IFNA2: variants seen among roughly 807,000 people sequenced by gnomAD.
IFNA2 encodes interferon alpha-2.
For missense variants in IFNA2, 260 were observed against 210.3 expected (o/e 1.24, Z -1.46); for synonymous variants, 91 against 80.7 (o/e 1.13, Z -0.68).
rs138040042 is a variant in IFNA2, at chr9:21,384,852, G to C, written c.478C>G (p.Pro160Ala). The C allele has an allele frequency of 3.1e-6, 5 of 1,613,822 alleles. No individual in the cohort carries two copies. In the African/African-American group the frequency reaches 6.7e-5, roughly 22 times the overall value. ...GCTCTGACAACCTCCCAGGCACAAGGGCTGTATTTCTTCTCTTTCAGATAG... is the reference window on the plus strand; with the variant it reads ...GCTCTGACAACCTCCCAGGCACAAGCGCTGTATTTCTTCTCTTTCAGATAG... ...TLYLKEKKYSPCAWEVVRAEI... is the reference protein window; with the variant it reads ...TLYLKEKKYSACAWEVVRAEI... The change falls in exon 1 of 1, where the codon CCT (proline) becomes GCT (alanine). Residue 160 changes from proline (P) to alanine (A), a missense_variant. By Grantham distance (27) the Pro-to-Ala change is conservative (BLOSUM62 -1). Transcript: ENST00000380206.
rs763767149 is a variant in IFNA2 at position 21,384,775 on chromosome 9, T to C, written c.555A>G (p.Arg185=). Residue 185 remains arginine (R), a synonymous_variant, in exon 1 of 1, where the codon AGA becomes AGG. Coordinates refer to ENST00000380206, the MANE Select transcript of IFNA2 (RefSeq NM_000605.4). ...GTTGAACCAGTTTTCATTCCTTACT[T>C]CTTAAACTTTCTTGCAAGTTTGTTG... ...SLSTNLQESL[R]SKE 6.2e-7 allele frequency: 1 copy of C among 1,608,830 alleles called. No homozygotes were observed. Among genetic ancestry groups the C allele is most frequent in the Non-Finnish European group, 8.5e-7 (1 of 1,177,730 alleles).
At position 21,384,606 on chromosome 9, in the gene IFNA2, A is replaced by G. The variant is rs957664540; in HGVS notation, c.*157T>C. On this transcript the variant is annotated 3_prime_UTR_variant, in exon 1 of 1. Coordinates refer to ENST00000380206, the MANE Select transcript of IFNA2 (RefSeq NM_000605.4). ...CTCTGTAAGGGACTAGTGCCTTAAG[A>G]GCTGAATACAATGTTGATTAATACT... 4.1e-5 allele frequency: 27 copies of G among 664,206 alleles called. No homozygotes were observed. The South Asian group carries it at 5.5e-4, about 14-fold the overall frequency. The allele number at this position is 664,206 out of a possible 1,614,324, so 41.1% of individuals were successfully genotyped here.
Position 21,385,158 on chromosome 9 carries a change from C to T in IFNA2, c.172G>A (p.Asp58Asn). The change falls in exon 1 of 1, where the codon GAC becomes AAC. Residue 58 changes from aspartate (D) to asparagine (N), a missense_variant. Physicochemically the swap from Asp to Asn is conservative, Grantham distance 23 (BLOSUM62 1). Transcript: ENST00000380206. The stretch of plus-strand genomic sequence containing the variant: ...AACTCCTCCTGGGGAAATCCAAAGT[C>T]ATGTCTGTCCTTCAAGCAGGAGAAA... ...SLFSCLKDRHDFGFPQEEFGN... is the reference protein window; with the variant it reads ...SLFSCLKDRHNFGFPQEEFGN... 1 of 1,613,966 alleles carries T rather than the reference C, an allele frequency of 6.2e-7. No individual in the cohort carries two copies. The highest frequency in any genetic ancestry group is 8.5e-7 in the Non-Finnish European group (1 of 1,179,960).
chr9:21,384,596 G>A lies in IFNA2; in HGVS notation c.*167C>T. ...CAGCATGGTCCTCTGTAAGGGACTAGTGCCTTAAGAGCTGAATACAATGTT... is the reference window on the plus strand; with the variant it reads ...CAGCATGGTCCTCTGTAAGGGACTAATGCCTTAAGAGCTGAATACAATGTT... On this transcript the variant is annotated 3_prime_UTR_variant, in exon 1 of 1. Coordinates refer to ENST00000380206, the MANE Select transcript of IFNA2 (RefSeq NM_000605.4). The A allele has an allele frequency of 3.6e-6, 2 of 559,798 alleles. No individual in the cohort carries two copies. The highest frequency in any genetic ancestry group is 4.2e-5 in the East Asian group (1 of 23,584). 34.7% of individuals were successfully genotyped at this position (559,798 alleles called of 1,614,324 possible).
chr9:21,384,790 C>CTTCT, the IFNA2 span: 1 of 1,610,210 alleles, frequency 6.2e-7, no homozygotes, highest in African/African-American at 1.3e-5. Context: ...AACTTTCTTG[C>CTTCT]AAGTTTGTTG....
Position 21,384,807 on chromosome 9 carries a change from A to G in IFNA2, c.523T>C (p.Ser175Pro), listed in dbSNP as rs748669743. Residue 175 changes from serine (S) to proline (P), a missense_variant, in exon 1 of 1, where the codon TCT (serine) becomes CCT (proline). By Grantham distance (74) the Ser-to-Pro change is moderately conservative (BLOSUM62 -1). Transcript: ENST00000380206. ...VVRAEIMRSF[S>P]LSTNLQESLR... ...CTTTCTTGCAAGTTTGTTGACAAAG[A>G]AAAAGATCTCATGATTTCTGCTCTG... 2 of 1,612,686 alleles carry G rather than the reference A, an allele frequency of 1.2e-6. No individual in the cohort carries two copies. The highest frequency in any genetic ancestry group is 1.7e-6 in the Non-Finnish European group (2 of 1,179,570).
At position 21,385,318 on chromosome 9, in the gene IFNA2, G is replaced by T; in HGVS notation, c.12C>A (p.Thr4=). ...CCAGGAGGGCCACCAGTAAAGCAAA[G>T]GTCAAGGCCATTGTAGATGTTGCAG... MAL[T]FALLVALLVL... The change falls in exon 1 of 1, where the codon ACC becomes ACA. Residue 4 remains threonine, a synonymous_variant. Transcript: ENST00000380206. 1 of 1,611,054 alleles carries T rather than the reference G, an allele frequency of 6.2e-7. No individual in the cohort carries two copies.
rs569533915 is a variant in IFNA2, at chr9:21,385,369, T to G, written c.-40A>C. On this transcript the variant is annotated 5_prime_UTR_variant, in exon 1 of 1. Transcript: ENST00000380206. The stretch of plus-strand genomic sequence containing the variant: ...ATGCTGCTAGACTGGTTGAAATGGG[T>G]GAGCCTAAACCTTAGGCTCCAGGTT... The G allele has an allele frequency of 6.5e-7, 1 of 1,531,868 alleles. No individual in the cohort carries two copies. The highest frequency in any genetic ancestry group is 2.2e-5 in the East Asian group (1 of 44,514). 94.9% of individuals were successfully genotyped at this position (1,531,868 alleles called of 1,614,324 possible).
rs1472828195 is a variant in IFNA2 at position 21,384,424 on chromosome 9, A to C, written c.*339T>G. 8.5e-5 allele frequency: 13 copies of C among 152,644 alleles called. No homozygotes were observed. Among genetic ancestry groups the C allele is most frequent in the Non-Finnish European group, 1.9e-4 (13 of 68,356 alleles). 9.5% of individuals were successfully genotyped at this position (152,644 alleles called of 1,614,324 possible). On this transcript the variant is annotated 3_prime_UTR_variant, in exon 1 of 1. Transcript: ENST00000380206. ...GCAAAAGTTCAATGAACAACACAAA[A>C]TAAATTTACCAAATACAAAGAACAT...
At position 21,384,362 on chromosome 9, in the gene IFNA2, T is replaced by G. The variant is rs1820852268; in HGVS notation, c.*401A>C. ...AGGTTGCACAATTAGGCTTGGAATT[T>G]CATTTTAAAGAATAAACAAGTACAA... On this transcript the variant is annotated 3_prime_UTR_variant, in exon 1 of 1. Transcript: ENST00000380206. 6.6e-6 allele frequency: 1 copy of G among 152,510 alleles called. No individual in the cohort carries two copies. Among genetic ancestry groups the G allele is most frequent in the Admixed American group, 6.5e-5 (1 of 15,278 alleles). 9.4% of individuals were successfully genotyped at this position (152,510 alleles called of 1,614,324 possible).
Position 21,384,654 on chromosome 9 carries a change from T to G in IFNA2, c.*109A>C. The G allele has an allele frequency of 8.6e-7, 1 of 1,167,172 alleles. No individual in the cohort carries two copies. The highest frequency in any genetic ancestry group is 1.2e-6 in the Non-Finnish European group (1 of 835,976). The allele number at this position is 1,167,172 out of a possible 1,614,324, so 72.3% of individuals were successfully genotyped here. A position where few individuals can be genotyped will look rare whatever the true frequency, so the allele number is the denominator to read the frequency against. ...ACTCCTAAAAACATTTGAAAAGATT[T>G]AAATCGTGTCATGGTCATAGCAGAA... On this transcript the variant is annotated 3_prime_UTR_variant, in exon 1 of 1. Coordinates refer to ENST00000380206, the MANE Select transcript of IFNA2 (RefSeq NM_000605.4).
chr9:21,384,840 C>T lies in IFNA2; in HGVS notation c.490G>A (p.Glu164Lys), dbSNP rs764985116. ...KEKKYSPCAW[E>K]VVRAEIMRSF... ...CTCATGATTTCTGCTCTGACAACCTCCCAGGCACAAGGGCTGTATTTCTTC... is the reference window on the plus strand; with the variant it reads ...CTCATGATTTCTGCTCTGACAACCTTCCAGGCACAAGGGCTGTATTTCTTC... Residue 164 changes from glutamate (E) to lysine (K), a missense_variant, in exon 1 of 1, where the codon GAG becomes AAG. Transcript: ENST00000380206. The T allele has an allele frequency of 6.2e-7, 1 of 1,614,016 alleles. No homozygotes were observed. Among genetic ancestry groups the T allele is most frequent in the African/African-American group, 1.3e-5 (1 of 75,016 alleles).
Position 21,385,280 on chromosome 9 carries a change from T to C in IFNA2, c.50A>G (p.Lys17Arg). Residue 17 changes from lysine to arginine, a missense_variant, in exon 1 of 1, where the codon AAG becomes AGG. Transcript: ENST00000380206. ...LLVALLVLSC[K>R]SSCSVGCDLP... ...ATCACAGCCCACAGAGCAGCTTGAC[T>C]TGCAGCTGAGCACCAGGAGGGCCAC... is the stretch of plus-strand genomic sequence containing the variant. 1.2e-6 allele frequency: 2 copies of C among 1,613,726 alleles called. No homozygotes were observed. Among genetic ancestry groups the C allele is most frequent in the Non-Finnish European group, 1.7e-6 (2 of 1,179,836 alleles).
At position 21,384,665 on chromosome 9, in the gene IFNA2, A is replaced by G; in HGVS notation, c.*98T>C. 8.1e-7 allele frequency: 1 copy of G among 1,241,482 alleles called. No individual in the cohort carries two copies. Among genetic ancestry groups the G allele is most frequent in the Non-Finnish European group, 1.1e-6 (1 of 892,284 alleles). 76.9% of individuals were successfully genotyped at this position (1,241,482 alleles called of 1,614,324 possible). ...CATTTGAAAAGATTTAAATCGTGTC[A>G]TGGTCATAGCAGAAACATGAGTCTT... On this transcript the variant is annotated 3_prime_UTR_variant, in exon 1 of 1. Coordinates refer to ENST00000380206, the MANE Select transcript of IFNA2 (RefSeq NM_000605.4).
In IFNA2 at chr9:21,384,782, C is replaced by G. The variant is rs756757521; in HGVS notation, c.548G>C (p.Ser183Thr). Residue 183 changes from serine (S) to threonine (T), a missense_variant, in exon 1 of 1, where the codon AGT becomes ACT. Physicochemically the swap from Ser to Thr is moderately conservative, Grantham distance 58 (BLOSUM62 1). Coordinates refer to ENST00000380206, the MANE Select transcript of IFNA2 (RefSeq NM_000605.4). ...SFSLSTNLQE[S>T]LRSKE ...CAGTTTTCATTCCTTACTTCTTAAA[C>G]TTTCTTGCAAGTTTGTTGACAAAGA... 6.2e-7 allele frequency: 1 copy of G among 1,609,836 alleles called. No individual in the cohort carries two copies. The highest frequency in any genetic ancestry group is 1.3e-5 in the African/African-American group (1 of 74,614).
Position 21,384,711 on chromosome 9 carries a change from A to C in IFNA2, c.*52T>G. ...GTCTTTGAAATGGCAGATCATAAAA[A>C]GGTGAGCTGGCATACGAATCAATGA... is the stretch of plus-strand genomic sequence containing the variant. On this transcript the variant is annotated 3_prime_UTR_variant, in exon 1 of 1. Transcript: ENST00000380206. 9 of 1,481,552 alleles carry C rather than the reference A, an allele frequency of 6.1e-6. No homozygotes were observed. In the South Asian group the frequency reaches 9.2e-5, roughly 15 times the overall value. The allele number at this position is 1,481,552 out of a possible 1,614,324, so 91.8% of individuals were successfully genotyped here. A position where few individuals can be genotyped will look rare whatever the true frequency, so the allele number is the denominator to read the frequency against.
chr9:21,384,564 G>C lies in IFNA2; in HGVS notation c.*199C>G, dbSNP rs1042326730. On this transcript the variant is annotated 3_prime_UTR_variant, in exon 1 of 1. Transcript: ENST00000380206. ...TTTAAAAATATTTAAATAGATAATG[G>C]ATCAGTCAGCATGGTCCTCTGTAAG... 2.8e-4 allele frequency: 70 copies of C among 250,636 alleles called. No individual in the cohort carries two copies. The Middle Eastern group carries it at 3.8e-3, about 14-fold the overall frequency. 15.5% of individuals were successfully genotyped at this position (250,636 alleles called of 1,614,324 possible). A position where few individuals can be genotyped will look rare whatever the true frequency, so the allele number is the denominator to read the frequency against.
rs1338240588 is a variant in IFNA2, at chr9:21,384,692, G to T, written c.*71C>A. 7.1e-6 allele frequency: 10 copies of T among 1,404,624 alleles called. No homozygotes were observed. The highest frequency in any genetic ancestry group is 1.9e-4 in the Middle Eastern group (1 of 5,366). The allele number at this position is 1,404,624 out of a possible 1,614,324, so 87.0% of individuals were successfully genotyped here. A position where few individuals can be genotyped will look rare whatever the true frequency, so the allele number is the denominator to read the frequency against. ...GGTCATAGCAGAAACATGAGTCTTT[G>T]AAATGGCAGATCATAAAAAGGTGAG... On this transcript the variant is annotated 3_prime_UTR_variant, in exon 1 of 1. Coordinates refer to ENST00000380206, the MANE Select transcript of IFNA2 (RefSeq NM_000605.4).
Position 21,384,764 on chromosome 9 carries a change from C to T in IFNA2, c.566G>A (p.Ter189=). The T allele has an allele frequency of 6.3e-7, 1 of 1,599,418 alleles. No homozygotes were observed. Among genetic ancestry groups the T allele is most frequent in the Non-Finnish European group, 8.5e-7 (1 of 1,173,658 alleles). The change falls in exon 1 of 1, where the codon TGA becomes TAA. Residue 189 remains the stop codon, a stop_retained_variant. Coordinates refer to ENST00000380206, the MANE Select transcript of IFNA2 (RefSeq NM_000605.4). ...NLQESLRSKE[*] ...ATCATTTCCATGTTGAACCAGTTTT[C>T]ATTCCTTACTTCTTAAACTTTCTTG... is the stretch of plus-strand genomic sequence containing the variant.
Sources: allele counts gnomAD v4.1 joint callset, GRCh38; gene constraint gnomAD v4.1.1; transcripts MANE v1.5; gene names NCBI Gene and HGNC (gene_info 2026-07-23, HGNC 2026-07-21).